VWF: variants seen among roughly 807,000 people sequenced by gnomAD.
The protein encoded by VWF is Factor VIII related antigen.
In VWF, 176 loss-of-function variants were observed where a neutral mutation model predicts 308.6. That is an observed-to-expected ratio of 0.57 (90% CI 0.50 to 0.65). The LOEUF (loss-of-function observed/expected upper bound fraction) is 0.65. Among genes scored for constraint, VWF ranks in the 30% least tolerant of loss-of-function variants. VWF has a pLI of 0.00. For missense variants in VWF, 3,146 were observed against 3,648.2 expected (o/e 0.86, Z 3.55); for synonymous variants, 1,385 against 1,443.4 (o/e 0.96, Z 0.92).
chr12:6,121,412 C>T (rs1233773249), intron 2 of VWF, 74 bp from the exon 3 acceptor site: 29 of 1,561,826 alleles, frequency 1.9e-5, no homozygotes, highest in Non-Finnish European at 2.3e-5. Flanking sequence ...ACCTCTCTGG[C>T]CTCGTAGAAA....
chr12:6,015,263 G>GT (rs1473729094), intron 31 of VWF, among the ~76,000 whole-genome samples: 1 of 152,152 alleles, frequency 6.6e-6, no homozygotes, highest in Non-Finnish European at 1.5e-5. Flanking sequence ...AGAACTCCCA[G>GT]TTTTTTGCAA....
intron 16 of VWF, among the ~76,000 whole-genome samples, chr12:6,051,846 A>G (rs977613153): frequency 1.3e-5 from 2 of 152,074 alleles, no homozygotes; most frequent in African/African-American, 2.4e-5. Flanking sequence ...TCCCAGGCTC[A>G]AGCATTCCTC....
At chr12:6,051,543 G>A (rs1466548737) in intron 16 of VWF, among the ~76,000 whole-genome samples, 1 of 152,060 alleles carries the variant, frequency 6.6e-6, no homozygotes, top group African/African-American at 2.4e-5. Context: ...CTAAGTGTTG[G>A]GATTACAGGC....
chr12:6,103,411 CACACGT>C (rs1945196676), intron 5 of VWF, among the ~76,000 whole-genome samples: 1 of 99,586 alleles, frequency 1.0e-5, no homozygotes, highest in Non-Finnish European at 1.7e-5. Flanking sequence ...TGTGTGTATA[CACACGT>C]GTGTGTATAC....
rs781166200 is a variant in VWF, at chr12:5,953,593, C to T, written c.7889G>A (p.Gly2630Asp). The T allele has an allele frequency of 6.2e-7, 1 of 1,613,886 alleles. No homozygotes were observed. The highest frequency in any genetic ancestry group is 8.5e-7 in the Non-Finnish European group (1 of 1,179,782). Residue 2630 changes from glycine to aspartate, a missense_variant and splice_region_variant, in exon 48 of 52, where the codon GGT becomes GAT. This residue lies in a region of VWF where 989 missense variants were observed against 1,117.4 expected (regional missense o/e 0.89). Coordinates refer to ENST00000261405, the MANE Select transcript of VWF (RefSeq NM_000552.5). ...RKTTCNPCPL[G>D]YKEENNTGEC... is the part of the protein sequence containing the mutation. Reference sequence around the variant, plus strand: ...ACCTGTGTTATTTTCTTCCTTGTAACCCTGCATCCAGAGGGGGAAAAAGCA... The same window carrying T: ...ACCTGTGTTATTTTCTTCCTTGTAATCCTGCATCCAGAGGGGGAAAAAGCA...
At chr12:6,010,934 GTC>G (rs1418285975) in intron 34 of VWF, among the ~76,000 whole-genome samples, 1 of 152,182 alleles carries the variant, frequency 6.6e-6, no homozygotes, top group Admixed American at 6.5e-5. Context: ...GAAACCTAAA[GTC>G]TGGTGGAGTT....
intron 6 of VWF, among the ~76,000 whole-genome samples, chr12:6,076,652 G>A (rs904683390): frequency 6.6e-6 from 1 of 152,214 alleles, no homozygotes; most frequent in African/African-American, 2.4e-5. Flanking sequence ...CTCAATGGAA[G>A]GACTGGGTCC....
At chr12:6,073,430 A>G (rs1021659237) in intron 8 of VWF, among the ~76,000 whole-genome samples, 189 bp downstream of exon 8, 4 of 152,230 alleles carry the variant, frequency 2.6e-5, no homozygotes, top group African/African-American at 9.7e-5. Flanking sequence ...ACAGTACAAC[A>G]GGACAACGTA....
At chr12:6,112,232 C>A (rs117266687) in intron 3 of VWF, among the ~76,000 whole-genome samples, 6,401 of 152,180 alleles carry the variant, frequency 0.042, 184 homozygotes, top group Non-Finnish European at 0.066. Context: ...GTTGTGAGGG[C>A]TGAACAGGGT....
At chr12:6,040,374 C>T (rs1257168920) in intron 18 of VWF, among the ~76,000 whole-genome samples, 1 of 152,132 alleles carries the variant, frequency 6.6e-6, no homozygotes, top group Admixed American at 6.5e-5. Context: ...TAAAAAGATG[C>T]TCCTGTGTGT....
intron 22 of VWF, among the ~76,000 whole-genome samples, chr12:6,026,278 CAG>C (rs1944191489): frequency 6.6e-6 from 1 of 152,132 alleles, no homozygotes; most frequent in African/African-American, 2.4e-5. Flanking sequence ...GCTATGGAAA[CAG>C]AGAGGCAACA....
rs371557605 is a variant in VWF at position 6,075,314 on chromosome 12, C to T, written c.874+21G>A. ...ACCGTTCATCCCCGGCAGGGCAGGA[C>T]GGGGCAGGGGGCCGACTTACTGCAC... is the stretch of plus-strand genomic sequence containing the variant. On this transcript the variant is annotated intron_variant, in intron 7 of 51. Transcript: ENST00000261405. This position sits in a 1 kb window ranked among gnomAD's most constrained non-coding sequence, Gnocchi z 4.7. The T allele has an allele frequency of 1.2e-4, 196 of 1,613,564 alleles. No individual in the cohort carries two copies. Among genetic ancestry groups the T allele is most frequent in the African/African-American group, 1.2e-3 (88 of 75,006 alleles).
intron 38 of VWF, among the ~76,000 whole-genome samples, chr12:5,988,392 G>A (rs1943702437): frequency 6.6e-6 from 1 of 152,238 alleles, no homozygotes; most frequent in African/African-American, 2.4e-5. Context: ...GGCCTCGGAG[G>A]GCTGGGGCAG....
chr12:5,964,185 C>T (rs111546180), intron 47 of VWF, among the ~76,000 whole-genome samples: 1 of 137,106 alleles, frequency 7.3e-6, no homozygotes, highest in African/African-American at 2.8e-5. Context: ...CCACTGCACT[C>T]CAGCCTGGGC....
intron 1 of VWF, 133 bp from the exon 2 acceptor site, chr12:6,123,329 C>T: frequency 2.8e-6 from 3 of 1,084,882 alleles, no homozygotes; most frequent in South Asian, 2.6e-5. Context: ...TCGTGACCCC[C>T]TTTTCCCCTT....
chr12:6,028,995 T>C (rs578258000), intron 22 of VWF, among the ~76,000 whole-genome samples: 1 of 151,812 alleles, frequency 6.6e-6, no homozygotes, highest in Non-Finnish European at 1.5e-5. Flanking sequence ...GACCCATCAG[T>C]GTGCTGTATT....
At chr12:6,088,788 C>T (rs1945001534) in intron 6 of VWF, among the ~76,000 whole-genome samples, 1 of 152,222 alleles carries the variant, frequency 6.6e-6, no homozygotes, top group South Asian at 2.1e-4. Flanking sequence ...CAAACTCCAA[C>T]CATCTTGCCT....
chr12:6,039,064 A>G (rs216336), intron 18 of VWF, among the ~76,000 whole-genome samples: 101,108 of 151,998 alleles, frequency 0.67, 33,829 homozygotes, highest in East Asian at 0.79. Flanking sequence ...GGCCAGCACA[A>G]CAGTCCCTGG....
At chr12:5,949,472 T>C (rs1311139129) in intron 51 of VWF, among the ~76,000 whole-genome samples, 1 of 152,224 alleles carries the variant, frequency 6.6e-6, no homozygotes, top group Non-Finnish European at 1.5e-5. Flanking sequence ...TGCCTGATTA[T>C]GCATGTTTTA....
Sources: gnomAD v4.1 joint callset for allele counts (sites outside exome capture counted in the v4.1 genomes callset) on GRCh38, gnomAD v4.1.1 for gene constraint, gnomAD v4.1.1 regional missense constraint, Gnocchi (gnomAD v3.1) non-coding constraint, MANE v1.5 for transcripts, NCBI Gene and HGNC (gene_info 2026-07-23, HGNC 2026-07-21) for gene names.